The following REEP3 variants were observed in gnomAD, a reference collection of about 807,000 sequenced individuals.
The protein encoded by REEP3 is receptor accessory protein 3, also known as receptor expression-enhancing protein 3.
Under a neutral mutation model 41.3 loss-of-function variants are expected in REEP3, and 20 were observed. That is an observed-to-expected ratio of 0.48 (90% CI 0.34 to 0.70). The LOEUF is 0.70. REEP3 is among the 30% of genes least tolerant of loss of function. The pLI, the probability that REEP3 is intolerant of heterozygous loss-of-function variation, is 0.01. For missense variants in REEP3, 271 were observed against 308.8 expected (o/e 0.88, Z 0.92); for synonymous variants, 104 against 101.8 (o/e 1.02, Z -0.13).
At chr10:63,527,964 T>G (rs1955382754) in intron 1 of REEP3, among the ~76,000 whole-genome samples, 1 of 151,876 alleles carries the variant, frequency 6.6e-6, no homozygotes. Context: ...TTTTTTTTTT[T>G]TTTGTTTTTG....
At chr10:63,539,417 A>G (rs1443632328) in intron 1 of REEP3, among the ~76,000 whole-genome samples, 3 of 152,200 alleles carry the variant, frequency 2.0e-5, no homozygotes, top group Non-Finnish European at 2.9e-5. Flanking sequence ...AGCTTTACCA[A>G]TGTTGGAAAT....
At chr10:63,561,842 C>T (rs570049204) in intron 1 of REEP3, among the ~76,000 whole-genome samples, 6 of 152,062 alleles carry the variant, frequency 3.9e-5, no homozygotes, top group South Asian at 2.1e-4. Context: ...AAAGCCCCAT[C>T]AGTGAAAGAA....
rs912091477 is a variant in REEP3, at chr10:63,621,594, A to T, written c.*725A>T. 1 of 152,566 alleles carries T rather than the reference A, an allele frequency of 6.6e-6. No individual in the cohort carries two copies. Among genetic ancestry groups the T allele is most frequent in the Non-Finnish European group, 1.5e-5 (1 of 68,006 alleles). The allele number at this position is 152,566 out of a possible 1,614,324, so 9.5% of individuals were successfully genotyped here. On this transcript the variant is annotated 3_prime_UTR_variant, in exon 8 of 8. Coordinates refer to ENST00000373758, the MANE Select transcript of REEP3 (RefSeq NM_001001330.3). ...CCTGTGGGTTTCATTTGTTAAATTC[A>T]TTGGATTTTAATAATATAAAAGTAT...
intron 6 of REEP3, among the ~76,000 whole-genome samples, chr10:63,616,899 A>G (rs1471578615): frequency 6.6e-6 from 1 of 152,212 alleles, no homozygotes; most frequent in African/African-American, 2.4e-5. Context: ...GGCAAGTAAA[A>G]AAAGAAAAAA....
intron 6 of REEP3, among the ~76,000 whole-genome samples, chr10:63,619,339 A>G (rs551728863): frequency 6.6e-6 from 1 of 152,296 alleles, no homozygotes; most frequent in Middle Eastern, 3.4e-3. Context: ...CTCTATATCT[A>G]TTTATATTCT....
intron 2 of REEP3, among the ~76,000 whole-genome samples, chr10:63,581,163 T>C (rs964958082): frequency 5.9e-5 from 9 of 152,192 alleles, no homozygotes; most frequent in Non-Finnish European, 1.0e-4. Context: ...ACATCATCTT[T>C]CCATTATGTA....
intron 2 of REEP3, among the ~76,000 whole-genome samples, chr10:63,577,050 A>C (rs1429897950): frequency 6.6e-6 from 1 of 152,210 alleles, no homozygotes; most frequent in Non-Finnish European, 1.5e-5. Context: ...CATTCAACCC[A>C]TAACAACCAT....
At chr10:63,554,097 G>A (rs1483855807) in intron 1 of REEP3, among the ~76,000 whole-genome samples, 2 of 141,238 alleles carry the variant, frequency 1.4e-5, no homozygotes, top group South Asian at 2.4e-4. Context: ...GCAAGACTCC[G>A]TCTCAAAAAA....
chr10:63,537,464 G>C (rs1204298840), intron 1 of REEP3, among the ~76,000 whole-genome samples: 1 of 152,214 alleles, frequency 6.6e-6, no homozygotes, highest in Non-Finnish European at 1.5e-5. Flanking sequence ...TTGATATTCT[G>C]CTTCTTAAGT....
chr10:63,588,716 T>A (rs1260281688), intron 2 of REEP3, among the ~76,000 whole-genome samples: 2 of 152,186 alleles, frequency 1.3e-5, no homozygotes, highest in Admixed American at 6.5e-5. Context: ...AAGCAAATAT[T>A]TGTTAGATGT....
At chr10:63,586,878 G>A (rs904569841) in intron 2 of REEP3, among the ~76,000 whole-genome samples, 2 of 151,622 alleles carry the variant, frequency 1.3e-5, no homozygotes, top group Non-Finnish European at 2.9e-5. Context: ...TTTGTGCCAG[G>A]TACTGTACAA....
chr10:63,597,921 C>CA (rs997710775), intron 3 of REEP3, 103 bp from the exon 4 acceptor site: 21 of 791,110 alleles, frequency 2.7e-5, no homozygotes, highest in African/African-American at 7.2e-5. Flanking sequence ...AAAAAAAAAA[C>CA]AAAAAACAGC....
intron 2 of REEP3, among the ~76,000 whole-genome samples, chr10:63,584,795 C>T (rs1180956773): frequency 6.6e-6 from 1 of 152,086 alleles, no homozygotes; most frequent in East Asian, 1.9e-4. Context: ...GGTGAATTGA[C>T]TTGAGTGGGT....
chr10:63,527,723 A>G (rs1955379666), intron 1 of REEP3, among the ~76,000 whole-genome samples: 1 of 152,062 alleles, frequency 6.6e-6, no homozygotes, highest in African/African-American at 2.4e-5. Flanking sequence ...AGGATAGTCT[A>G]TACACCATCT....
intron 2 of REEP3, among the ~76,000 whole-genome samples, chr10:63,568,524 C>A (rs1196009737): frequency 6.6e-6 from 1 of 152,088 alleles, no homozygotes; most frequent in Non-Finnish European, 1.5e-5. Flanking sequence ...GCCTCGGCCT[C>A]CCAAAGTGCT....
chr10:63,593,751 T>A (rs1956087331), intron 2 of REEP3, among the ~76,000 whole-genome samples: 1 of 152,082 alleles, frequency 6.6e-6, no homozygotes. Flanking sequence ...GAAGGATAGG[T>A]CCCAAGAGAA....
intron 1 of REEP3, among the ~76,000 whole-genome samples, chr10:63,534,023 C>A (rs1955451784): frequency 6.6e-6 from 1 of 151,734 alleles, no homozygotes; most frequent in South Asian, 2.1e-4. Flanking sequence ...GTATGTAAAT[C>A]TTAAAGAACC....
At chr10:63,580,916 A>G (rs1414703034) in intron 2 of REEP3, among the ~76,000 whole-genome samples, 1 of 152,136 alleles carries the variant, frequency 6.6e-6, no homozygotes, top group Admixed American at 6.5e-5. Flanking sequence ...GGAGACTAAA[A>G]CAAGAGAATC....
intron 1 of REEP3, among the ~76,000 whole-genome samples, chr10:63,559,893 A>G (rs928566338): frequency 2.6e-5 from 4 of 152,192 alleles, no homozygotes; most frequent in African/African-American, 9.6e-5. Context: ...AGGGAATACT[A>G]TACCATGTAG....
Sources: gnomAD v4.1 joint callset for allele counts (sites outside exome capture counted in the v4.1 genomes callset) on GRCh38, gnomAD v4.1.1 for gene constraint, MANE v1.5 for transcripts, NCBI Gene and HGNC (gene_info 2026-07-23, HGNC 2026-07-21) for gene names.